SLC24A3: variants seen among roughly 807,000 people sequenced by gnomAD.
The protein encoded by SLC24A3 is solute carrier family 24 member 3, also known as sodium/potassium/calcium exchanger 3.
Under a neutral mutation model 75.8 loss-of-function variants are expected in SLC24A3, and 28 were observed. The ratio of observed to expected loss-of-function variants is 0.37; its 90% CI spans 0.27 to 0.51. SLC24A3 has a LOEUF of 0.51. Among genes scored for constraint, SLC24A3 ranks in the 20% least tolerant of loss-of-function variants. The pLI, the probability that SLC24A3 is intolerant of heterozygous loss-of-function variation, is 0.94. For synonymous variants in SLC24A3, 372 were observed against 334.1 expected (o/e 1.11, Z -1.24); for missense variants, 663 against 847.8 (o/e 0.78, Z 2.71).
At chr20:19,522,578 C>T (rs1004417075) in intron 3 of SLC24A3, among the ~76,000 whole-genome samples, 2 of 152,190 alleles carry the variant, frequency 1.3e-5, no homozygotes, top group Admixed American at 6.5e-5. Context: ...TGATCTTCAC[C>T]GTCTCTTCCC....
At chr20:19,395,752 C>G (rs1242965106) in intron 2 of SLC24A3, among the ~76,000 whole-genome samples, 1 of 152,176 alleles carries the variant, frequency 6.6e-6, no homozygotes, top group Non-Finnish European at 1.5e-5. Flanking sequence ...AAGAGGGGAT[C>G]ATAGCATTCC....
At chr20:19,317,690 C>G (rs937946670) in intron 2 of SLC24A3, among the ~76,000 whole-genome samples, 1 of 152,152 alleles carries the variant, frequency 6.6e-6, no homozygotes, top group African/African-American at 2.4e-5. Context: ...GGGGAGGGTT[C>G]TCTTTTGTTC....
At chr20:19,518,405 C>T (rs1432198645) in intron 3 of SLC24A3, among the ~76,000 whole-genome samples, 2 of 152,134 alleles carry the variant, frequency 1.3e-5, no homozygotes, top group East Asian at 1.9e-4. Flanking sequence ...CAAATGCTGA[C>T]GAGGGTCTAT....
chr20:19,490,168 C>T (rs746876720), intron 2 of SLC24A3, among the ~76,000 whole-genome samples: 4 of 152,216 alleles, frequency 2.6e-5, no homozygotes, highest in Non-Finnish European at 5.9e-5. Flanking sequence ...TCCAAGGCCA[C>T]ATGTCCTCCC....
intron 2 of SLC24A3, among the ~76,000 whole-genome samples, chr20:19,488,763 A>C (rs184080647): frequency 2.6e-4 from 40 of 152,252 alleles, no homozygotes; most frequent in African/African-American, 9.6e-4. Context: ...CTAAATACAA[A>C]ATTTAATTAT....
Position 19,681,773 on chromosome 20 carries a change from G to A in SLC24A3, c.768-85G>A, listed in dbSNP as rs1600337936. 5 of 1,602,988 alleles carry A rather than the reference G, an allele frequency of 3.1e-6. No homozygotes were observed. The East Asian group carries it at 1.1e-4, about 36-fold the overall frequency. ...TGGTGACTGTGCATGCAGACTGGGAGAGCTCTCAGAAGCACTTGGTGGGAG... is the reference window on the plus strand; with the variant it reads ...TGGTGACTGTGCATGCAGACTGGGAAAGCTCTCAGAAGCACTTGGTGGGAG... On this transcript the variant is annotated intron_variant, in intron 9 of 16. Coordinates refer to ENST00000328041, the MANE Select transcript of SLC24A3 (RefSeq NM_020689.4).
At chr20:19,346,073 A>ATATATATATG (rs1946736879) in intron 2 of SLC24A3, among the ~76,000 whole-genome samples, 2 of 53,234 alleles carry the variant, frequency 3.8e-5, no homozygotes, top group African/African-American at 2.0e-4. Context: ...CTATATATAT[A>ATATATATATG]TATATATATA....
Position 19,267,822 on chromosome 20 carries a change from G to A in SLC24A3, c.143-13137G>A, listed in dbSNP as rs139993273. ...AGGGATGTGGAGCGAGGGCAGACAT[G>A]GGGGGCAGTGTGTTTTCTGAAAATA... is the stretch of plus-strand genomic sequence containing the variant. On this transcript the variant is annotated intron_variant, in intron 1 of 16. Coordinates refer to ENST00000328041, the MANE Select transcript of SLC24A3 (RefSeq NM_020689.4). Among the ~76,000 whole-genome samples the A allele has an allele frequency of 2.3e-3, 357 of 152,270 alleles. 2 individuals carry two copies. The highest frequency in any genetic ancestry group is 8.2e-3 in the African/African-American group (339 of 41,552).
At chr20:19,534,171 A>G (rs2030353857) in intron 3 of SLC24A3, among the ~76,000 whole-genome samples, 1 of 152,268 alleles carries the variant, frequency 6.6e-6, no homozygotes, top group Non-Finnish European at 1.5e-5. Flanking sequence ...TTCTGTAAAT[A>G]TAGAATGTTG....
At chr20:19,666,990 T>C (rs2032406625) in intron 8 of SLC24A3, among the ~76,000 whole-genome samples, 1 of 152,204 alleles carries the variant, frequency 6.6e-6, no homozygotes, top group Non-Finnish European at 1.5e-5. Context: ...ATATTAGGAA[T>C]AGGCGTAGGT....
At chr20:19,236,195 G>C (rs1226325198) in intron 1 of SLC24A3, among the ~76,000 whole-genome samples, 1 of 152,186 alleles carries the variant, frequency 6.6e-6, no homozygotes, top group Non-Finnish European at 1.5e-5. Flanking sequence ...TGCTTTGAAG[G>C]CACCTAGAGT....
At chr20:19,344,028 C>T (rs1985334122) in intron 2 of SLC24A3, among the ~76,000 whole-genome samples, 1 of 152,152 alleles carries the variant, frequency 6.6e-6, no homozygotes, top group Admixed American at 6.5e-5. Context: ...GTTTCTGCAC[C>T]TAGAAAGAAC....
intron 2 of SLC24A3, among the ~76,000 whole-genome samples, chr20:19,482,892 ATT>A (rs1197604194): frequency 6.6e-6 from 1 of 152,194 alleles, no homozygotes; most frequent in African/African-American, 2.4e-5. Flanking sequence ...GCTGAATTCA[ATT>A]GCAAGGTTTA....
intron 2 of SLC24A3, among the ~76,000 whole-genome samples, chr20:19,303,820 T>C (rs1984258039): frequency 1.3e-5 from 2 of 152,230 alleles, no homozygotes; most frequent in Non-Finnish European, 2.9e-5. Context: ...CTTGCCTTCC[T>C]ATCTCCCATT....
At chr20:19,393,677 A>G (rs1343278232) in intron 2 of SLC24A3, among the ~76,000 whole-genome samples, 1 of 152,204 alleles carries the variant, frequency 6.6e-6, no homozygotes, top group Non-Finnish European at 1.5e-5. Flanking sequence ...TGTCCATTCA[A>G]AACTACAAAA....
At chr20:19,659,342 G>C (rs2032300731) in intron 7 of SLC24A3, among the ~76,000 whole-genome samples, 1 of 152,234 alleles carries the variant, frequency 6.6e-6, no homozygotes, top group Non-Finnish European at 1.5e-5. Flanking sequence ...GGGGATATGA[G>C]AGAGTTCAGC....
chr20:19,668,524 C>G (rs991846122), intron 8 of SLC24A3, among the ~76,000 whole-genome samples: 1 of 152,074 alleles, frequency 6.6e-6, no homozygotes, highest in African/African-American at 2.4e-5. Context: ...CCAGTTCACC[C>G]CAAAAAATCT....
At chr20:19,562,018 C>T (rs919920585) in intron 3 of SLC24A3, among the ~76,000 whole-genome samples, 6 of 152,104 alleles carry the variant, frequency 3.9e-5, no homozygotes, top group African/African-American at 1.4e-4. Flanking sequence ...CACTGTAGTC[C>T]AGTCTTTTTA....
chr20:19,260,226 T>A (rs1392137859), intron 1 of SLC24A3, among the ~76,000 whole-genome samples: 5 of 152,238 alleles, frequency 3.3e-5, no homozygotes, highest in African/African-American at 1.2e-4. Flanking sequence ...AGTCTAGTCC[T>A]ATGCAGAGAT....
Sources: allele counts gnomAD v4.1 joint callset (sites outside exome capture counted in the v4.1 genomes callset), GRCh38; gene constraint gnomAD v4.1.1; transcripts MANE v1.5; gene names NCBI Gene and HGNC (gene_info 2026-07-23, HGNC 2026-07-21).